Variants in MATR3 observed in about 807,000 individuals in gnomAD.
MATR3 encodes matrin 3, also known as matrin-3.
In MATR3, 4 loss-of-function variants were observed where a neutral mutation model predicts 85.5. The ratio of observed to expected loss-of-function variants is 0.05; its 90% CI spans 0.02 to 0.11. The LOEUF is 0.11. Ranked by LOEUF, MATR3 falls within the 10% of genes least tolerant of loss-of-function variation. The probability of loss-of-function intolerance (pLI) is 1.00; values close to 1 mark genes in which losing one functional copy is unlikely to be tolerated. For synonymous variants in MATR3, 336 were observed against 343.1 expected, an observed-to-expected ratio of 0.98 and a Z score of 0.23; for missense variants, 685 against 1,016.1, an observed-to-expected ratio of 0.67 and a Z score of 4.43.
Position 139,315,691 on chromosome 5 carries a change from T to C in MATR3, c.975-6T>C, listed in dbSNP as rs1419542728. 6.2e-7 allele frequency: 1 copy of C among 1,608,110 alleles called. No homozygotes were observed. Among genetic ancestry groups the C allele is most frequent in the Non-Finnish European group, 8.5e-7 (1 of 1,174,738 alleles). ...TTTTAAAGTTAATTTTCTGGTCTTTTTAAAGCTACCCAGAATGGAATCCTG... is the reference window on the plus strand; with the variant it reads ...TTTTAAAGTTAATTTTCTGGTCTTTCTAAAGCTACCCAGAATGGAATCCTG... On this transcript the variant is annotated splice_region_variant and splice_polypyrimidine_tract_variant and intron_variant, in intron 3 of 14. Coordinates refer to ENST00000394805, the MANE Select transcript of MATR3 (RefSeq NM_018834.6).
chr5:139,291,618 A>C (rs1221486893), upstream of MATR3, among the ~76,000 whole-genome samples: 1 of 152,116 alleles, frequency 6.6e-6, no homozygotes, highest in Non-Finnish European at 1.5e-5. Flanking sequence ...GCTTCACCGC[A>C]ACCTCCGCCT....
intron 1 of MATR3, among the ~76,000 whole-genome samples, chr5:139,303,037 T>A (rs11738939): frequency 6.6e-6 from 1 of 151,758 alleles, no homozygotes; most frequent in Non-Finnish European, 1.5e-5. Flanking sequence ...GTAAACCATC[T>A]CAAATTAGTT....
At position 139,331,218 on chromosome 5, in the gene MATR3, G is replaced by C. The variant is rs990875137; in HGVS notation, c.*1823G>C. ...GCTAAATTTTATGATCTCTCCCGTT[G>C]AAAAGTAGGTGATGATTTTAATGTG... On this transcript the variant is annotated 3_prime_UTR_variant, in exon 15 of 15. Transcript: ENST00000394805. 2.2e-6 allele frequency: 1 copy of C among 454,134 alleles called. No homozygotes were observed. 28.1% of individuals were successfully genotyped at this position (454,134 alleles called of 1,614,324 possible). A position where few individuals can be genotyped will look rare whatever the true frequency, so the allele number is the denominator to read the frequency against.
Position 139,325,654 on chromosome 5 carries a change from T to C in MATR3, c.2363T>C (p.Val788Ala). ...AGAATTGGACCATATCAGCCCAATGTTCCTGTTGGTGAGATTTAAGTCTTT... is the reference window on the plus strand; with the variant it reads ...AGAATTGGACCATATCAGCCCAATGCTCCTGTTGGTGAGATTTAAGTCTTT... ...EYRIGPYQPN[V>A]PVGIDYVIPK... is the part of the protein sequence containing the mutation. Residue 788 changes from valine to alanine, a missense_variant, in exon 13 of 15, where the codon GTT (valine) becomes GCT (alanine). Val to Ala is a moderately conservative substitution (Grantham distance 64, BLOSUM62 0). Transcript: ENST00000394805. 1.2e-6 allele frequency: 2 copies of C among 1,613,628 alleles called. No individual in the cohort carries two copies. Among genetic ancestry groups the C allele is most frequent in the Non-Finnish European group, 1.7e-6 (2 of 1,179,538 alleles).
At chr5:139,327,516 G>A (rs1447322489) in intron 14 of MATR3, among the ~76,000 whole-genome samples, 2 of 152,092 alleles carry the variant, frequency 1.3e-5, no homozygotes, top group African/African-American at 4.8e-5. Context: ...CCGCCTCCCA[G>A]GTTCAAGCCA....
chr5:139,275,142 ATTTTTT>A (rs750841386), intron 1 of MATR3, among the ~76,000 whole-genome samples: 78 of 40,910 alleles, frequency 1.9e-3, no homozygotes, highest in African/African-American at 4.0e-3. Flanking sequence ...CGCCCGGCTA[ATTTTTT>A]TTTTTTTTTT....
chr5:139,316,097 G>A lies in MATR3; in HGVS notation c.1038G>A (p.Gln346=). 5 of 1,612,744 alleles carry A rather than the reference G, an allele frequency of 3.1e-6. No individual in the cohort carries two copies. The highest frequency in any genetic ancestry group is 4.2e-6 in the Non-Finnish European group (5 of 1,179,246). ...GHTMGDPFML[Q]QSTNPAPGIL... is the part of the protein sequence containing the mutation. ...CTAGGGGTGATCCATTCATGTTGCA[G>A]CAGTCTACAAATCCAGCACCAGGAA... The change falls in exon 5 of 15, where the codon CAG becomes CAA. Residue 346 remains glutamine (Q), a synonymous_variant. Coordinates refer to ENST00000394805, the MANE Select transcript of MATR3 (RefSeq NM_018834.6).
intron 12 of MATR3, among the ~76,000 whole-genome samples, chr5:139,324,253 A>G (rs1755724249): frequency 6.6e-6 from 1 of 151,606 alleles, no homozygotes; most frequent in African/African-American, 2.4e-5. Context: ...ACAGAGCCAA[A>G]ATTTAAACTT....
At position 139,311,750 on chromosome 5, in the gene MATR3, C is replaced by CTTTTTTTTTTTTTTTTTTTTTTTT. The variant is rs552172719; in HGVS notation, c.913-2913_913-2890dup. The CTTTTTTTTTTTTTTTTTTTTTTTT allele has an allele frequency of 6.1e-5, 4 of 65,236 alleles. 1 individual carries two copies. Among genetic ancestry groups the CTTTTTTTTTTTTTTTTTTTTTTTT allele is most frequent in the African/African-American group, 1.3e-4 (2 of 15,362 alleles). 4.0% of individuals were successfully genotyped at this position (65,236 alleles called of 1,614,324 possible). On this transcript the variant is annotated intron_variant, in intron 2 of 14. Transcript: ENST00000394805. ...TTAATTGGTATTTGTTTAATTAATC[C>CTTTTTTTTTTTTTTTTTTTTTTTT]TTTTTTTTTTTTTTTTTTTTTTTTT... is the stretch of plus-strand genomic sequence containing the variant.
At chr5:139,280,308 GGCTATGGTTT>G (rs1232143202) in intron 3 of MATR3, among the ~76,000 whole-genome samples, 6 of 152,222 alleles carry the variant, frequency 3.9e-5, no homozygotes, top group Non-Finnish European at 8.8e-5. Flanking sequence ...TTGGCCCATA[GGCTATGGTTT>G]GCCAACCTCT....
intron 1 of MATR3, among the ~76,000 whole-genome samples, chr5:139,296,470 G>C (rs1415216067): frequency 1.3e-5 from 2 of 152,150 alleles, no homozygotes; most frequent in African/African-American, 4.8e-5. Context: ...TTTACCACGA[G>C]AAATAACATC....
intron 4 of MATR3, 24 bp downstream of exon 4, chr5:139,315,762 C>A: frequency 6.4e-7 from 1 of 1,573,284 alleles, no homozygotes; most frequent in Non-Finnish European, 8.7e-7. Flanking sequence ...TTTAAGCTAC[C>A]ATTTGTAAAG....
chr5:139,318,281 C>T (rs1057481238), intron 7 of MATR3, among the ~76,000 whole-genome samples: 4 of 152,022 alleles, frequency 2.6e-5, no homozygotes, highest in Non-Finnish European at 1.5e-5. Flanking sequence ...TTACAGCCGC[C>T]CACTATCATG....
chr5:139,279,058 C>T (rs1353220842), exon 3 of MATR3: 2 of 468,718 alleles, frequency 4.3e-6, no homozygotes, highest in African/African-American at 4.0e-5. Context: ...TAGATGCCTT[C>T]ACCTGAATGA....
chr5:139,320,983 C>G (rs997463328), intron 9 of MATR3, among the ~76,000 whole-genome samples: 1 of 151,376 alleles, frequency 6.6e-6, no homozygotes, highest in South Asian at 2.1e-4. Flanking sequence ...GTCTCGATCC[C>G]CTGACCTTGT....
At position 139,329,376 on chromosome 5, in the gene MATR3, G is replaced by C. The variant is rs749235364; in HGVS notation, c.2525G>C (p.Arg842Thr). The change falls in exon 15 of 15, where the codon AGA (arginine) becomes ACA (threonine). Residue 842 changes from arginine to threonine, a missense_variant. Physicochemically the swap from Arg to Thr is moderately conservative, Grantham distance 71 (BLOSUM62 -1). Transcript: ENST00000394805. ...KFLNKLAEER[R>T]QKKET ...CTGAATAAATTGGCAGAAGAACGCA[G>C]ACAGAAGAAGGAAACTTAAGATGTG... 5.3e-5 allele frequency: 86 copies of C among 1,612,068 alleles called. No individual in the cohort carries two copies. In the Middle Eastern group the frequency reaches 2.5e-3, roughly 47 times the overall value.
chr5:139,327,095 A>C (rs1377360690), intron 14 of MATR3, among the ~76,000 whole-genome samples: 2 of 152,208 alleles, frequency 1.3e-5, no homozygotes, highest in East Asian at 3.8e-4. Flanking sequence ...TGTAATTATC[A>C]GCTTCTTTGG....
In MATR3 at chr5:139,307,028, T is replaced by C. The variant is rs557811181; in HGVS notation, c.-177-211T>C. ...TCAGTATGAAAGTCCCTTTAATAGT[T>C]AAGCTTTAGCATGAAATACTACTTT... is the stretch of plus-strand genomic sequence containing the variant. On this transcript the variant is annotated intron_variant, in intron 1 of 14. Coordinates refer to ENST00000394805, the MANE Select transcript of MATR3 (RefSeq NM_018834.6). This position sits in a 1 kb window ranked among gnomAD's most constrained non-coding sequence, Gnocchi z 4.4. 3.9e-5 allele frequency among the ~76,000 whole-genome samples: 6 copies of C among 152,244 alleles called. No individual in the cohort carries two copies. The highest frequency in any genetic ancestry group is 2.0e-4 in the Admixed American group (3 of 15,296).
intron 3 of MATR3, chr5:139,279,241 T>G (rs76814330): frequency 0.016 from 7,097 of 433,484 alleles, 263 homozygotes; most frequent in African/African-American, 0.1. Flanking sequence ...GACTTTTTTT[T>G]GGGGGGGGAC....
Sources: gnomAD v4.1 joint callset for allele counts (sites outside exome capture counted in the v4.1 genomes callset) on GRCh38, gnomAD v4.1.1 for gene constraint, Gnocchi (gnomAD v3.1) non-coding constraint, MANE v1.5 for transcripts, NCBI Gene and HGNC (gene_info 2026-07-23, HGNC 2026-07-21) for gene names.